The following DOCK3 variants were observed in gnomAD, a reference collection of about 807,000 sequenced individuals.
The protein encoded by DOCK3 is dedicator of cytokinesis 3.
Under a neutral mutation model 265.6 loss-of-function variants are expected in DOCK3, and 60 were observed. The ratio of observed to expected loss-of-function variants is 0.23; its 90% CI spans 0.18 to 0.28. The LOEUF is 0.28. DOCK3 is among the 10% of genes least tolerant of loss of function. DOCK3 has a pLI of 1.00. For missense variants in DOCK3, 1,981 were observed against 2,594.3 expected, an observed-to-expected ratio of 0.76 and a Z score of 5.14; for synonymous variants, 881 against 938.0, an observed-to-expected ratio of 0.94 and a Z score of 1.11.
intron 1 of DOCK3, among the ~76,000 whole-genome samples, chr3:50,738,945 ACT>A: frequency 6.6e-6 from 1 of 152,070 alleles, no homozygotes; most frequent in Non-Finnish European, 1.5e-5. Context: ...GGCACAAACA[ACT>A]CTCTGTAATT....
At chr3:51,327,928 C>T (rs906106772) in intron 32 of DOCK3, among the ~76,000 whole-genome samples, 3 of 151,966 alleles carry the variant, frequency 2.0e-5, no homozygotes, top group East Asian at 1.9e-4. Flanking sequence ...GTGATCTGCC[C>T]GCCTCAGCCT....
intron 1 of DOCK3, among the ~76,000 whole-genome samples, chr3:50,744,580 C>T (rs1290463059): frequency 5.3e-5 from 8 of 152,018 alleles, no homozygotes; most frequent in South Asian, 2.1e-4. Context: ...ACTACAGGCA[C>T]GTGCCACCAC....
chr3:51,010,130 T>A lies in DOCK3; in HGVS notation c.316-54318T>A, dbSNP rs1309184666. Among the ~76,000 whole-genome samples the A allele has an allele frequency of 5.3e-5, 8 of 152,308 alleles. No homozygotes were observed. In the East Asian group the frequency reaches 1.5e-3, roughly 29 times the overall value. ...GTGGAGAGTTCTATAGATGTCTATT[T>A]GGTCCACTTGGTGCAGAGCTGAGTT... On this transcript the variant is annotated intron_variant, in intron 5 of 52. Transcript: ENST00000266037.
chr3:50,680,197 A>G (rs1576061416), intron 1 of DOCK3, among the ~76,000 whole-genome samples: 1 of 146,310 alleles, frequency 6.8e-6, no homozygotes, highest in Non-Finnish European at 1.5e-5. Flanking sequence ...GTATTGGACT[A>G]TTTTTTTCTT....
chr3:50,962,591 C>T (rs1386228650), intron 5 of DOCK3, among the ~76,000 whole-genome samples: 1 of 152,188 alleles, frequency 6.6e-6, no homozygotes, highest in Admixed American at 6.5e-5. Context: ...TCAAATAAAT[C>T]CGTGTATACT....
chr3:51,194,965 C>G (rs1157530257), intron 12 of DOCK3, among the ~76,000 whole-genome samples: 1 of 151,838 alleles, frequency 6.6e-6, no homozygotes, highest in Non-Finnish European at 1.5e-5. Context: ...GCTGGGACTA[C>G]AGGCATGTGC....
At chr3:50,961,506 A>G (rs2076885510) in intron 5 of DOCK3, among the ~76,000 whole-genome samples, 1 of 152,180 alleles carries the variant, frequency 6.6e-6, no homozygotes, top group Admixed American at 6.6e-5. Flanking sequence ...AAACTTGGTG[A>G]TATCTGAAGA....
chr3:51,205,400 A>T (rs547368850), intron 12 of DOCK3, among the ~76,000 whole-genome samples: 1 of 152,168 alleles, frequency 6.6e-6, no homozygotes, highest in East Asian at 1.9e-4. Context: ...TAATTTTAAA[A>T]ACTGAACAAT....
chr3:50,795,029 C>T (rs567650578), intron 2 of DOCK3, among the ~76,000 whole-genome samples: 35 of 149,068 alleles, frequency 2.3e-4, no homozygotes, highest in South Asian at 2.1e-3. Flanking sequence ...TTGAATCTCT[C>T]TTTTTTTTTT....
intron 2 of DOCK3, among the ~76,000 whole-genome samples, chr3:50,831,787 T>A (rs1325340511): frequency 1.3e-4 from 20 of 152,190 alleles, no homozygotes; most frequent in Admixed American, 1.3e-3. Context: ...CGGTTCTAGA[T>A]CTTTGAGGAA....
At chr3:50,982,803 C>T (rs1026949919) in intron 5 of DOCK3, among the ~76,000 whole-genome samples, 11 of 152,154 alleles carry the variant, frequency 7.2e-5, no homozygotes, top group African/African-American at 2.4e-4. Context: ...GAGAGGGGCC[C>T]AGCAAGGGGA....
intron 27 of DOCK3, among the ~76,000 whole-genome samples, chr3:51,297,022 G>T (rs1314787127): frequency 1.4e-5 from 2 of 145,254 alleles, no homozygotes; most frequent in Non-Finnish European, 3.0e-5. Context: ...GGAGGCTGAG[G>T]CATGAGAATC....
intron 2 of DOCK3, among the ~76,000 whole-genome samples, chr3:50,825,784 C>T (rs1403879814): frequency 2.0e-5 from 3 of 152,118 alleles, no homozygotes; most frequent in Non-Finnish European, 4.4e-5. Flanking sequence ...CTAACTGTGC[C>T]AGTTGTTTAT....
At chr3:51,304,512 G>C (rs1425974635) in intron 27 of DOCK3, among the ~76,000 whole-genome samples, 2 of 152,196 alleles carry the variant, frequency 1.3e-5, no homozygotes, top group Non-Finnish European at 2.9e-5. Context: ...CCCTCACTTG[G>C]GGGGAACTCA....
chr3:51,252,907 G>A (rs1201534595), intron 22 of DOCK3, among the ~76,000 whole-genome samples: 1 of 152,340 alleles, frequency 6.6e-6, no homozygotes, highest in East Asian at 1.9e-4. Flanking sequence ...ATGTTGAATA[G>A]GAGTGGTGAG....
intron 3 of DOCK3, among the ~76,000 whole-genome samples, chr3:50,857,349 A>G (rs867520468): frequency 6.6e-6 from 1 of 152,010 alleles, no homozygotes; most frequent in African/African-American, 2.4e-5. Context: ...TCAATTTTTA[A>G]ACTTCATATT....
intron 12 of DOCK3, among the ~76,000 whole-genome samples, chr3:51,175,054 C>T (rs1171072839): frequency 6.6e-6 from 1 of 152,182 alleles, no homozygotes; most frequent in Non-Finnish European, 1.5e-5. Flanking sequence ...TGAGAATGCT[C>T]CTGCCAGGTC....
chr3:51,305,719 TGTGTGTGTGTGTGC>T (rs1445206071), intron 27 of DOCK3, among the ~76,000 whole-genome samples: 13 of 46,246 alleles, frequency 2.8e-4, no homozygotes, highest in African/African-American at 1.1e-3. Context: ...TGTGTGTCTG[TGTGTGTGTGTGTGC>T]GCGTGTGTGT....
Position 51,277,724 on chromosome 3 carries a change from G to A in DOCK3, c.2793G>A (p.Gln931=), listed in dbSNP as rs767123170. ...KSHAQEAVRG[Q]RCPQCTAEIT... is the part of the protein sequence containing the mutation. ...ACGCTCAGGAGGCGGTAAGAGGGCA[G>A]CGGTGCCCGCAGTGCACAGCCGAGA... is the stretch of plus-strand genomic sequence containing the variant. The change falls in exon 26 of 53, where the codon CAG becomes CAA. Residue 931 remains glutamine (Q), a synonymous_variant. Transcript: ENST00000266037. The A allele has an allele frequency of 6.2e-7, 1 of 1,612,090 alleles. No homozygotes were observed. Among genetic ancestry groups the A allele is most frequent in the Non-Finnish European group, 8.5e-7 (1 of 1,179,406 alleles).
Sources: allele counts gnomAD v4.1 joint callset (sites outside exome capture counted in the v4.1 genomes callset), GRCh38; gene constraint gnomAD v4.1.1; transcripts MANE v1.5; gene names NCBI Gene and HGNC (gene_info 2026-07-23, HGNC 2026-07-21).